The following DLG2 variants were observed in gnomAD, a reference collection of about 807,000 sequenced individuals.
DLG2 encodes discs large MAGUK scaffold protein 2.
A neutral mutation model predicts 132.5 loss-of-function variants in DLG2; 45 were observed. The observed-to-expected ratio is 0.34, with a 90% confidence interval of 0.27 to 0.44. The LOEUF (loss-of-function observed/expected upper bound fraction) is 0.44. Ranked by LOEUF, DLG2 falls within the 20% of genes least tolerant of loss-of-function variation. The pLI is 1.00. For missense variants in DLG2, 1,045 were observed against 1,196.9 expected (o/e 0.87, Z 1.87); for synonymous variants, 424 against 419.6 (o/e 1.01, Z -0.13).
At chr11:83,791,189 C>G (rs190914080) in intron 17 of DLG2, 4 of 635,906 alleles carry the variant, frequency 6.3e-6, no homozygotes, top group African/African-American at 1.8e-5. Flanking sequence ...GTGATGGCTG[C>G]GGAGGGAGGT....
At chr11:85,521,823 C>G (rs896087217) in intron 3 of DLG2, among the ~76,000 whole-genome samples, 1 of 152,034 alleles carries the variant, frequency 6.6e-6, no homozygotes, top group Admixed American at 6.6e-5. Flanking sequence ...ATCTGTGGAA[C>G]TTTAAACTTG....
At chr11:84,362,635 G>A (rs1395668493) in intron 7 of DLG2, among the ~76,000 whole-genome samples, 26 of 151,938 alleles carry the variant, frequency 1.7e-4, no homozygotes, top group African/African-American at 6.0e-4. Context: ...CATTAGGTAT[G>A]TCTCCCAATG....
intron 7 of DLG2, among the ~76,000 whole-genome samples, chr11:84,313,641 A>AAAAGAAAGAGAAAGAAAGAAAG (rs1555500591): frequency 3.1e-5 from 4 of 129,180 alleles, no homozygotes; most frequent in Non-Finnish European, 4.8e-5. Flanking sequence ...GAAAGAGAGA[A>AAAAGAAAGAGAAAGAAAGAAAG]AAAGAAAGAA....
intron 10 of DLG2, among the ~76,000 whole-genome samples, chr11:84,095,212 T>C (rs1006767189): frequency 6.6e-6 from 1 of 151,938 alleles, no homozygotes; most frequent in Non-Finnish European, 1.5e-5. Context: ...AAAAACTGCT[T>C]AGAGACAGAG....
chr11:84,727,187 G>A (rs1011147415), intron 6 of DLG2, among the ~76,000 whole-genome samples: 2 of 152,124 alleles, frequency 1.3e-5, no homozygotes, highest in African/African-American at 2.4e-5. Flanking sequence ...TGTCCTGAAT[G>A]GTATTGCCCA....
chr11:83,682,176 A>G (rs544178239), intron 18 of DLG2: 1 of 985,400 alleles, frequency 1.0e-6, no homozygotes, highest in African/African-American at 1.7e-5. Context: ...AAATTATTGG[A>G]ACAAAGCAGG....
At chr11:84,695,627 A>G (rs1254975605) in intron 6 of DLG2, among the ~76,000 whole-genome samples, 1 of 151,552 alleles carries the variant, frequency 6.6e-6, no homozygotes, top group Non-Finnish European at 1.5e-5. Flanking sequence ...AGCATTTTAA[A>G]TATAATCTTT....
intron 6 of DLG2, among the ~76,000 whole-genome samples, chr11:84,928,588 G>A (rs2047680125): frequency 6.6e-6 from 1 of 151,828 alleles, no homozygotes; most frequent in African/African-American, 2.4e-5. Flanking sequence ...ATACCTAGAC[G>A]ATTCTTTCAG....
intron 3 of DLG2, among the ~76,000 whole-genome samples, chr11:85,583,678 C>T (rs945754811): frequency 5.9e-5 from 9 of 152,238 alleles, no homozygotes; most frequent in South Asian, 2.1e-4. Context: ...TTCTATCTTT[C>T]GCTAGGAGCC....
intron 19 of DLG2, among the ~76,000 whole-genome samples, chr11:83,572,593 C>T (rs372452930): frequency 2.0e-5 from 3 of 152,150 alleles, no homozygotes; most frequent in African/African-American, 4.8e-5. Context: ...AAGCTACATG[C>T]GCAGTGAGGA....
rs563641686 is a variant in DLG2 at position 85,532,493 on chromosome 11, A to T, written c.40+66164T>A. 7.9e-5 allele frequency among the ~76,000 whole-genome samples: 12 copies of T among 152,340 alleles called. No homozygotes were observed. In the South Asian group the frequency reaches 2.5e-3, roughly 32 times the overall value. ...AAATATGATGTATTCATTTGTTGTTATTCCTTTTCTATGCCTTTGAACAGA... is the reference window on the plus strand; with the variant it reads ...AAATATGATGTATTCATTTGTTGTTTTTCCTTTTCTATGCCTTTGAACAGA... On this transcript the variant is annotated intron_variant, in intron 3 of 27. Transcript: ENST00000376104.
intron 6 of DLG2, among the ~76,000 whole-genome samples, chr11:84,836,518 T>C (rs1161985979): frequency 1.3e-5 from 2 of 151,818 alleles, no homozygotes; most frequent in East Asian, 1.9e-4. Context: ...CCCTTGTCTT[T>C]TTATTGGACT....
intron 6 of DLG2, among the ~76,000 whole-genome samples, chr11:85,098,967 C>T (rs1458911497): frequency 6.6e-6 from 1 of 152,144 alleles, no homozygotes; most frequent in South Asian, 2.1e-4. Flanking sequence ...GTTGCTGAAG[C>T]AAGGGAGTCA....
At chr11:84,124,782 G>A (rs1311912067) in intron 9 of DLG2, among the ~76,000 whole-genome samples, 1 of 150,974 alleles carries the variant, frequency 6.6e-6, no homozygotes, top group East Asian at 1.9e-4. Flanking sequence ...CACTTAAATA[G>A]TGCCAACATT....
At chr11:85,502,795 T>C (rs1268476924) in intron 3 of DLG2, among the ~76,000 whole-genome samples, 1 of 152,124 alleles carries the variant, frequency 6.6e-6, no homozygotes, top group Non-Finnish European at 1.5e-5. Context: ...TCTGCACATG[T>C]ATTCCAGAAG....
intron 6 of DLG2, among the ~76,000 whole-genome samples, chr11:84,700,216 A>G (rs1174919503): frequency 6.6e-6 from 1 of 151,634 alleles, no homozygotes; most frequent in East Asian, 1.9e-4. Context: ...TATTTATTTT[A>G]TAAATTATAG....
intron 3 of DLG2, among the ~76,000 whole-genome samples, chr11:85,511,803 C>A (rs551443891): frequency 6.6e-6 from 1 of 151,278 alleles, no homozygotes; most frequent in African/African-American, 2.4e-5. Flanking sequence ...ACTGCAGCCT[C>A]AAACTCCTGG....
intron 4 of DLG2, among the ~76,000 whole-genome samples, chr11:85,200,929 C>G (rs973703120): frequency 1.3e-5 from 2 of 152,138 alleles, no homozygotes; most frequent in African/African-American, 4.8e-5. Flanking sequence ...CACAAGGGGC[C>G]CCATCAGCTC....
chr11:85,018,333 A>G (rs1333048009), intron 6 of DLG2, among the ~76,000 whole-genome samples: 1 of 152,192 alleles, frequency 6.6e-6, no homozygotes, highest in Non-Finnish European at 1.5e-5. Flanking sequence ...TGATAATCGC[A>G]GTCAACACTT....
Sources: gnomAD v4.1 joint callset for allele counts (sites outside exome capture counted in the v4.1 genomes callset) on GRCh38, gnomAD v4.1.1 for gene constraint, MANE v1.5 for transcripts, NCBI Gene and HGNC (gene_info 2026-07-23, HGNC 2026-07-21) for gene names.